The following CA10 variants were observed in gnomAD, a reference collection of about 807,000 sequenced individuals.
CA10 encodes carbonic anhydrase 10 (inactive).
Under a neutral mutation model 44.2 loss-of-function variants are expected in CA10, and 14 were observed. The observed-to-expected ratio is 0.32, with a 90% CI of 0.21 to 0.50. CA10 has a LOEUF of 0.50. Ranked by LOEUF, CA10 falls within the 20% of genes least tolerant of loss-of-function variation. The probability of loss-of-function intolerance (pLI) is 0.99; values close to 1 mark genes in which losing one functional copy is unlikely to be tolerated. For missense variants in CA10, 350 were observed against 409.7 expected (o/e 0.85, Z 1.26); for synonymous variants, 159 against 141.6 (o/e 1.12, Z -0.87).
At chr17:51,759,465 A>G (rs1905161252) in intron 3 of CA10, among the ~76,000 whole-genome samples, 1 of 143,322 alleles carries the variant, frequency 7.0e-6, no homozygotes, top group African/African-American at 2.5e-5. Flanking sequence ...TTAATATTTT[A>G]TTATATATAA....
At chr17:52,020,239 C>T (rs9915345) in intron 2 of CA10, among the ~76,000 whole-genome samples, 50,105 of 151,704 alleles carry the variant, frequency 0.33, 9,973 homozygotes, top group East Asian at 0.73. Context: ...ATATTTTTGG[C>T]ATTTCCTGAA....
intron 3 of CA10, among the ~76,000 whole-genome samples, chr17:51,804,783 T>C (rs12938759): frequency 0.32 from 48,949 of 152,214 alleles, 9,428 homozygotes; most frequent in East Asian, 0.52. Flanking sequence ...TTATATTTTA[T>C]TATTTAGTAA....
intron 6 of CA10, among the ~76,000 whole-genome samples, chr17:51,640,364 C>A (rs903216107): frequency 6.6e-6 from 1 of 152,112 alleles, no homozygotes; most frequent in Non-Finnish European, 1.5e-5. Context: ...TGCTGCCTAC[C>A]ATCTCCCCCC....
chr17:51,643,581 C>G (rs558405486), intron 6 of CA10, among the ~76,000 whole-genome samples: 1 of 152,104 alleles, frequency 6.6e-6, no homozygotes, highest in Non-Finnish European at 1.5e-5. Flanking sequence ...TCTAAGCTTG[C>G]AAGGAAAGTA....
chr17:52,121,394 A>C lies in CA10; in HGVS notation c.61+36332T>G, dbSNP rs371887606. Reference sequence around the variant, plus strand: ...AGGGAGAAGACCTAGGTTGGAAGGGATATTGCTTAAAAAAGAAAAAAAAAG... The same window carrying C: ...AGGGAGAAGACCTAGGTTGGAAGGGCTATTGCTTAAAAAAGAAAAAAAAAG... On this transcript the variant is annotated intron_variant, in intron 1 of 8. Transcript: ENST00000451037. Among the ~76,000 whole-genome samples the C allele has an allele frequency of 6.4e-4, 98 of 152,242 alleles. 3 individuals are homozygous for C. In the South Asian group the frequency reaches 0.014, roughly 22 times the overall value.
intron 1 of CA10, among the ~76,000 whole-genome samples, chr17:52,074,588 A>G (rs1306090632): frequency 8.0e-6 from 1 of 125,598 alleles, no homozygotes; most frequent in Non-Finnish European, 1.7e-5. Flanking sequence ...TCATTACCCC[A>G]AATAAATATA....
At chr17:51,832,518 C>T (rs1325095986) in intron 3 of CA10, among the ~76,000 whole-genome samples, 2 of 152,250 alleles carry the variant, frequency 1.3e-5, no homozygotes, top group East Asian at 3.9e-4. Context: ...CTTAAAGATG[C>T]TCATGATGGA....
chr17:51,789,964 C>T (rs2143695429), intron 3 of CA10, among the ~76,000 whole-genome samples: 1 of 152,282 alleles, frequency 6.6e-6, no homozygotes, highest in South Asian at 2.1e-4. Flanking sequence ...TCCCATTACC[C>T]TAAGGGCCCT....
intron 2 of CA10, among the ~76,000 whole-genome samples, chr17:52,012,406 C>A (rs754988216): frequency 1.3e-5 from 2 of 151,912 alleles, no homozygotes; most frequent in Non-Finnish European, 2.9e-5. Flanking sequence ...TCTATGAGGA[C>A]TTGAGGTAAC....
chr17:52,072,673 C>T (rs1308143139), intron 1 of CA10, among the ~76,000 whole-genome samples: 3 of 93,526 alleles, frequency 3.2e-5, no homozygotes, highest in African/African-American at 9.6e-5. Flanking sequence ...TCATCATCTT[C>T]CCCATACACA....
intron 3 of CA10, among the ~76,000 whole-genome samples, chr17:51,873,499 C>T (rs111874610): frequency 0.014 from 2,085 of 152,326 alleles, 17 homozygotes; most frequent in Non-Finnish European, 0.019. Context: ...CCCACACTCC[C>T]TTGGAGCTAG....
At chr17:51,966,459 A>G (rs996983559) in intron 2 of CA10, among the ~76,000 whole-genome samples, 11 of 152,000 alleles carry the variant, frequency 7.2e-5, no homozygotes, top group Non-Finnish European at 1.3e-4. Context: ...TTCAAGCTAT[A>G]CTACAAGCCT....
intron 3 of CA10, among the ~76,000 whole-genome samples, chr17:51,914,238 G>A (rs1981901709): frequency 8.0e-6 from 1 of 125,492 alleles, no homozygotes; most frequent in South Asian, 2.3e-4. Context: ...GACAGAGCCA[G>A]GAAGAGAGGC....
At chr17:52,083,064 G>A (rs560808997) in intron 1 of CA10, among the ~76,000 whole-genome samples, 2 of 152,238 alleles carry the variant, frequency 1.3e-5, no homozygotes, top group Admixed American at 6.5e-5. Flanking sequence ...ATGTGTATGT[G>A]CTATATTCAG....
In CA10 at chr17:52,066,063, A is replaced by G. The variant is rs1214002417; in HGVS notation, c.136+6256T>C. On this transcript the variant is annotated intron_variant, in intron 2 of 8. Transcript: ENST00000451037. ...TCATGAGGCCTCCCCAGCCATGCTG[A>G]ACTATGAGTCAATTAAACTTGATAT... Among the ~76,000 whole-genome samples the G allele has an allele frequency of 3.3e-5, 5 of 152,330 alleles. No homozygotes were observed. In the East Asian group the frequency reaches 7.7e-4, roughly 23 times the overall value.
intron 3 of CA10, among the ~76,000 whole-genome samples, chr17:51,885,331 C>G (rs1024611097): frequency 1.3e-5 from 2 of 152,170 alleles, no homozygotes; most frequent in Non-Finnish European, 2.9e-5. Context: ...AGCATTCATG[C>G]TGTTAGACAA....
intron 2 of CA10, among the ~76,000 whole-genome samples, chr17:52,039,667 G>A (rs1365124790): frequency 1.3e-5 from 2 of 152,022 alleles, no homozygotes; most frequent in Non-Finnish European, 2.9e-5. Context: ...CTTTGTCATG[G>A]GAAGTAATTG....
chr17:52,035,613 A>C (rs1986594024), intron 2 of CA10, among the ~76,000 whole-genome samples: 1 of 152,220 alleles, frequency 6.6e-6, no homozygotes, highest in South Asian at 2.1e-4. Flanking sequence ...GGCAGTGCTA[A>C]AAGAGCACTG....
chr17:51,752,016 G>A (rs2143615962), intron 3 of CA10, among the ~76,000 whole-genome samples: 1 of 152,108 alleles, frequency 6.6e-6, no homozygotes, highest in East Asian at 1.9e-4. Flanking sequence ...ACCTGAATGG[G>A]GGCACAAAGT....
Sources: gnomAD v4.1 joint callset for allele counts (sites outside exome capture counted in the v4.1 genomes callset) on GRCh38, gnomAD v4.1.1 for gene constraint, MANE v1.5 for transcripts, NCBI Gene and HGNC (gene_info 2026-07-23, HGNC 2026-07-21) for gene names.